Variants in SRP68 observed in about 807,000 individuals in gnomAD.
SRP68 encodes the protein signal recognition particle 68, also known as signal recognition particle subunit SRP68.
A neutral mutation model predicts 82.2 loss-of-function variants in SRP68; 15 were observed. That is an observed-to-expected ratio of 0.18 (90% CI 0.12 to 0.28). The LOEUF is 0.28. Ranked by LOEUF, SRP68 falls within the 10% of genes least tolerant of loss-of-function variation. The pLI, the probability that SRP68 is intolerant of heterozygous loss-of-function variation, is 1.00. For missense variants in SRP68, 595 were observed against 780.5 expected, an observed-to-expected ratio of 0.76 and a Z score of 2.83; for synonymous variants, 261 against 292.6, an observed-to-expected ratio of 0.89 and a Z score of 1.10.
At chr17:76,067,373 G>A (rs1242949698) in intron 2 of SRP68, 43 bp from the exon 3 acceptor site, 3 of 1,424,104 alleles carry the variant, frequency 2.1e-6, no homozygotes, top group African/African-American at 2.8e-5. Flanking sequence ...CAAGCTGAGA[G>A]TATTTTGAAT....
At chr17:76,049,716 G>C (rs1006749730) in intron 9 of SRP68, 3 of 152,134 alleles carry the variant, frequency 2.0e-5, no homozygotes, top group African/African-American at 7.2e-5. Context: ...GTTTATATAT[G>C]ACAAATTAGT....
chr17:76,060,252 T>C, intron 7 of SRP68, 56 bp downstream of exon 7: 1 of 1,155,830 alleles, frequency 8.7e-7, no homozygotes, highest in East Asian at 2.4e-5. Context: ...GATTATGAAT[T>C]ACTCCTTCTG....
chr17:76,040,715 G>T, intron 14 of SRP68, 188 bp downstream of exon 14: 1 of 663,158 alleles, frequency 1.5e-6, no homozygotes, highest in Non-Finnish European at 2.6e-6. Context: ...AGAAGGGCCA[G>T]TGTAACAGTG....
chr17:76,072,349 G>A lies in SRP68; in HGVS notation c.143C>T (p.Ser48Leu). Reference sequence around the variant, plus strand: ...ATCCCCAAATTCTTTGTTTGCCTTCGATCCGGCCGAAGGGCGTTCGTTTTC... The same window carrying A: ...ATCCCCAAATTCTTTGTTTGCCTTCAATCCGGCCGAAGGGCGTTCGTTTTC... Reference protein sequence around the residue: ...NKENERPSAGSKANKEFGDSL... With the variant: ...NKENERPSAGLKANKEFGDSL... The change falls in exon 1 of 16, where the codon TCG becomes TTG. Residue 48 changes from serine to leucine, a missense_variant. Physicochemically the swap from Ser to Leu is moderately radical, Grantham distance 145. Transcript: ENST00000307877. This position sits in a 1 kb window ranked among gnomAD's most constrained non-coding sequence, Gnocchi z 4.5. 3 of 1,612,638 alleles carry A rather than the reference G, an allele frequency of 1.9e-6. No homozygotes were observed. The highest frequency in any genetic ancestry group is 2.5e-6 in the Non-Finnish European group (3 of 1,179,648).
At chr17:76,053,701 G>A (rs997806063) in intron 8 of SRP68, 15 of 940,188 alleles carry the variant, frequency 1.6e-5, no homozygotes, top group African/African-American at 8.9e-5. Flanking sequence ...TTCTTACGAC[G>A]CCCACACTGC....
In SRP68 at chr17:76,062,766, A is replaced by T. The variant is rs1363061252; in HGVS notation, c.562-1192T>A. Among the ~76,000 whole-genome samples, 194 of 71,626 alleles carry T rather than the reference A, an allele frequency of 2.7e-3. 5 individuals carry two copies. Among genetic ancestry groups the T allele is most frequent in the Non-Finnish European group, 3.8e-3 (151 of 39,280 alleles). 47.0% of individuals were successfully genotyped at this position (71,626 alleles called of 152,430 possible). ...ATATATATATATATATATATATATA[A>T]AATATATATATATATTTTTTTTGAG... On this transcript the variant is annotated intron_variant, in intron 4 of 15. Transcript: ENST00000307877.
At chr17:76,068,185 G>A (rs992689710) in intron 2 of SRP68, among the ~76,000 whole-genome samples, 30 of 152,262 alleles carry the variant, frequency 2.0e-4, no homozygotes, top group African/African-American at 6.7e-4. Flanking sequence ...CAGCCTACTC[G>A]GGAGGATGAG....
chr17:76,064,975 C>T (rs954153618), intron 3 of SRP68, among the ~76,000 whole-genome samples: 1 of 152,240 alleles, frequency 6.6e-6, no homozygotes, highest in Middle Eastern at 3.4e-3. Flanking sequence ...TTCTGCGCAC[C>T]GCTCTCCCAT....
chr17:76,070,708 G>A (rs1407842263), intron 1 of SRP68, among the ~76,000 whole-genome samples: 3 of 151,932 alleles, frequency 2.0e-5, no homozygotes, highest in African/African-American at 7.3e-5. Flanking sequence ...CGGGCGCAAT[G>A]GCTAGCACCT....
intron 8 of SRP68, among the ~76,000 whole-genome samples, chr17:76,051,025 A>G (rs2066668570): frequency 6.6e-6 from 1 of 152,150 alleles, no homozygotes; most frequent in Admixed American, 6.5e-5. Flanking sequence ...CAACTCAAAG[A>G]TTGTTTCTTT....
chr17:76,066,177 G>A (rs372124448), intron 3 of SRP68, among the ~76,000 whole-genome samples: 6 of 152,024 alleles, frequency 3.9e-5, no homozygotes, highest in African/African-American at 1.2e-4. Context: ...CCAGCCTGGC[G>A]CAGTAGCTCA....
At position 76,042,137 on chromosome 17, in the gene SRP68, G is replaced by C. The variant is rs534699265; in HGVS notation, c.1525-1159C>G. On this transcript the variant is annotated intron_variant, in intron 13 of 15. Transcript: ENST00000307877. ...CTGACCTCGTGATCTGCCCGCCTCG[G>C]CCTCCCACAGTGCTGGGATTACAGG... Among the ~76,000 whole-genome samples the C allele has an allele frequency of 9.2e-4, 140 of 152,092 alleles. 2 individuals carry two copies. The Middle Eastern group carries it at 0.014, about 15-fold the overall frequency.
chr17:76,059,900 C>T (rs955116449), intron 7 of SRP68, among the ~76,000 whole-genome samples: 11 of 150,550 alleles, frequency 7.3e-5, no homozygotes, highest in Non-Finnish European at 5.9e-5. Context: ...CTGAGGCGGG[C>T]GGATCTCGAG....
At chr17:76,068,058 G>A (rs531426052) in intron 2 of SRP68, among the ~76,000 whole-genome samples, 4 of 152,178 alleles carry the variant, frequency 2.6e-5, no homozygotes, top group Non-Finnish European at 4.4e-5. Flanking sequence ...TTGGGAGGCC[G>A]AGGTGGGCGG....
chr17:76,047,337 G>A (rs1027373677), intron 10 of SRP68, among the ~76,000 whole-genome samples: 2 of 151,946 alleles, frequency 1.3e-5, no homozygotes, highest in Non-Finnish European at 2.9e-5. Flanking sequence ...CAAAGTATTG[G>A]GATTACAGGC....
intron 8 of SRP68, among the ~76,000 whole-genome samples, chr17:76,052,505 C>G (rs1312987611): frequency 6.6e-6 from 1 of 152,138 alleles, no homozygotes; most frequent in African/African-American, 2.4e-5. Flanking sequence ...GCACACAGGG[C>G]TTAAAACCTA....
At chr17:76,068,429 C>T (rs997553288) in intron 2 of SRP68, among the ~76,000 whole-genome samples, 6 of 148,164 alleles carry the variant, frequency 4.0e-5, no homozygotes, top group Non-Finnish European at 8.9e-5. Context: ...GCACTCCAGC[C>T]TAGGCAACAG....
At chr17:76,053,562 G>A (rs1160479095) in intron 8 of SRP68, 1 of 985,336 alleles carries the variant, frequency 1.0e-6, no homozygotes, top group South Asian at 4.7e-5. Flanking sequence ...GCATCAAGGT[G>A]CTGAAACCAA....
rs138822586 is a variant in SRP68, at chr17:76,060,323, C to T, written c.822G>A (p.Leu274=). ...RLRSGGTEGL[L]AEKLEALITQ... Reference sequence around the variant, plus strand: ...ACTAGATTACCTCCAATTTTTCAGCCAAGAGACCCTCAGTGCCCCCAGACC... The same window carrying T: ...ACTAGATTACCTCCAATTTTTCAGCTAAGAGACCCTCAGTGCCCCCAGACC... The change falls in exon 7 of 16, where the codon TTG becomes TTA. Residue 274 remains leucine, a synonymous_variant. Coordinates refer to ENST00000307877, the MANE Select transcript of SRP68 (RefSeq NM_014230.4). 1.2e-6 allele frequency: 2 copies of T among 1,609,826 alleles called. No individual in the cohort carries two copies. The highest frequency in any genetic ancestry group is 2.7e-5 in the African/African-American group (2 of 73,552).
Sources: allele counts gnomAD v4.1 joint callset (sites outside exome capture counted in the v4.1 genomes callset), GRCh38; gene constraint gnomAD v4.1.1; non-coding constraint Gnocchi (gnomAD v3.1); transcripts MANE v1.5; gene names NCBI Gene and HGNC (gene_info 2026-07-23, HGNC 2026-07-21).